GABRB3: variants seen among roughly 807,000 people sequenced by gnomAD.
GABRB3 encodes the protein gamma-aminobutyric acid receptor subunit beta-3.
GABRB3 carries 14 observed loss-of-function variants against 52.1 expected under a neutral mutation model. The ratio of observed to expected loss-of-function variants is 0.27; its 90% CI spans 0.18 to 0.42. The LOEUF is 0.42. Among genes scored for constraint, GABRB3 ranks in the 10% least tolerant of loss-of-function variants. The pLI is 1.00. For missense variants in GABRB3, 307 were observed against 609.1 expected (o/e 0.50, Z 5.22); for synonymous variants, 260 against 232.3 (o/e 1.12, Z -1.08).
At chr15:26,748,485 G>T (rs756344859) in intron 3 of GABRB3, among the ~76,000 whole-genome samples, 9 of 152,014 alleles carry the variant, frequency 5.9e-5, no homozygotes, top group Non-Finnish European at 1.0e-4. Flanking sequence ...TTTCTGAAGT[G>T]TTGAATTTAT....
At chr15:26,554,161 G>GAGTATATATATATATA (rs1555400842) in intron 8 of GABRB3, among the ~76,000 whole-genome samples, 1 of 21,266 alleles carries the variant, frequency 4.7e-5, no homozygotes, top group African/African-American at 1.0e-4. Flanking sequence ...TATATATAAA[G>GAGTATATATATATATA]TATATATATA....
chr15:26,557,018 A>C (rs1351406228), intron 8 of GABRB3, among the ~76,000 whole-genome samples: 1 of 152,194 alleles, frequency 6.6e-6, no homozygotes, highest in Non-Finnish European at 1.5e-5. Flanking sequence ...GTAAAGACAG[A>C]GTATCAATCT....
Position 26,545,525 on chromosome 15 carries a change from C to T in GABRB3, c.*2268G>A, listed in dbSNP as rs1889202116. The T allele has an allele frequency of 6.6e-6, 1 of 152,588 alleles. No homozygotes were observed. Among genetic ancestry groups the T allele is most frequent in the Non-Finnish European group, 1.5e-5 (1 of 68,038 alleles). 9.5% of individuals were successfully genotyped at this position (152,588 alleles called of 1,614,324 possible). ...AGTATAAATTATACACTTAAATAGACCATTGACTGTTTTTGTCCACATCCA... is the reference window on the plus strand; with the variant it reads ...AGTATAAATTATACACTTAAATAGATCATTGACTGTTTTTGTCCACATCCA... On this transcript the variant is annotated 3_prime_UTR_variant, in exon 9 of 9. Coordinates refer to ENST00000311550, the MANE Select transcript of GABRB3 (RefSeq NM_000814.6).
chr15:26,669,604 GTC>G (rs141362402), intron 3 of GABRB3, among the ~76,000 whole-genome samples: 18 of 148,582 alleles, frequency 1.2e-4, no homozygotes, highest in Middle Eastern at 3.5e-3. Context: ...GACTCACTCT[GTC>G]TCTCTCTCTC....
At chr15:26,771,510 G>C (rs988160824) in intron 3 of GABRB3, among the ~76,000 whole-genome samples, 24 of 152,302 alleles carry the variant, frequency 1.6e-4, no homozygotes, top group Admixed American at 1.4e-3. Flanking sequence ...GTTTACAAAT[G>C]CTCCTTCCAG....
chr15:26,556,814 T>C (rs1889769867), intron 8 of GABRB3, among the ~76,000 whole-genome samples: 6 of 152,112 alleles, frequency 3.9e-5, no homozygotes. Context: ...GCCTACAGTG[T>C]CCATAAGGGT....
intron 6 of GABRB3, among the ~76,000 whole-genome samples, chr15:26,574,030 G>A (rs562490117): frequency 3.5e-4 from 54 of 152,294 alleles, no homozygotes; most frequent in South Asian, 2.5e-3. Flanking sequence ...CAGCCCGGGC[G>A]ACAGACTAAG....
At chr15:26,573,108 C>A (rs1207236444) in intron 6 of GABRB3, among the ~76,000 whole-genome samples, 1 of 152,134 alleles carries the variant, frequency 6.6e-6, no homozygotes, top group Non-Finnish European at 1.5e-5. Flanking sequence ...GGTATTTCAG[C>A]AAATGCAGCA....
chr15:26,599,388 G>A (rs542410994), intron 4 of GABRB3, among the ~76,000 whole-genome samples: 1 of 152,112 alleles, frequency 6.6e-6, no homozygotes, highest in African/African-American at 2.4e-5. Context: ...CCTAAACAGT[G>A]ACCCCACCTA....
Position 26,605,921 on chromosome 15 carries a change from C to T in GABRB3, c.461+15393G>A, listed in dbSNP as rs1019828625. On this transcript the variant is annotated intron_variant, in intron 4 of 8. Transcript: ENST00000311550. ...GTACAGGAAATATTGCTAGGGAGGT[C>T]TCAGGAAACATACAACACAGCGGAA... Among the ~76,000 whole-genome samples, 9 of 152,214 alleles carry T rather than the reference C, an allele frequency of 5.9e-5. No individual in the cohort carries two copies. In the South Asian group the frequency reaches 1.9e-3, roughly 32 times the overall value.
chr15:26,694,751 T>C (rs926786870), intron 3 of GABRB3, among the ~76,000 whole-genome samples: 4 of 152,060 alleles, frequency 2.6e-5, no homozygotes, highest in Non-Finnish European at 5.9e-5. Flanking sequence ...TTTGTAATTA[T>C]CAGACAAAAA....
At chr15:26,613,761 A>G (rs962138660) in intron 4 of GABRB3, 1 of 152,206 alleles carries the variant, frequency 6.6e-6, no homozygotes, top group Non-Finnish European at 1.5e-5. Context: ...AACTGACAAG[A>G]TAATGTCAGC....
At chr15:26,727,155 T>C (rs1889795012) in intron 3 of GABRB3, among the ~76,000 whole-genome samples, 1 of 152,060 alleles carries the variant, frequency 6.6e-6, no homozygotes, top group Admixed American at 6.5e-5. Flanking sequence ...CAAGACTCGG[T>C]CTCAGGAAAA....
chr15:26,761,988 AC>A (rs113497538), intron 3 of GABRB3, among the ~76,000 whole-genome samples: 8 of 152,134 alleles, frequency 5.3e-5, no homozygotes, highest in African/African-American at 1.9e-4. Context: ...GAGTGCAATC[AC>A]GCCCGGCTAA....
chr15:26,763,747 T>C (rs1890887278), intron 3 of GABRB3, among the ~76,000 whole-genome samples: 2 of 152,142 alleles, frequency 1.3e-5, no homozygotes, highest in Non-Finnish European at 2.9e-5. Context: ...TGATGTGATG[T>C]TGAGCTAACT....
chr15:26,725,024 T>C (rs2140144359), intron 3 of GABRB3, among the ~76,000 whole-genome samples: 1 of 152,304 alleles, frequency 6.6e-6, no homozygotes, highest in East Asian at 1.9e-4. Flanking sequence ...TGGCCATGAC[T>C]TGTCAAAGGC....
At chr15:26,725,485 C>T (rs1889747318) in intron 3 of GABRB3, among the ~76,000 whole-genome samples, 1 of 152,228 alleles carries the variant, frequency 6.6e-6, no homozygotes, top group South Asian at 2.1e-4. Flanking sequence ...GCCAATGTTA[C>T]TTGCTATGAA....
chr15:26,770,658 A>T (rs1004739091), intron 3 of GABRB3, among the ~76,000 whole-genome samples: 3 of 152,216 alleles, frequency 2.0e-5, no homozygotes, highest in Admixed American at 2.0e-4. Flanking sequence ...GGCCAAATCA[A>T]TACATTTTCT....
intron 4 of GABRB3, among the ~76,000 whole-genome samples, chr15:26,617,741 G>T (rs61998694): frequency 6.0e-3 from 846 of 140,384 alleles, no homozygotes; most frequent in South Asian, 0.012. Flanking sequence ...GTTTGCAGAC[G>T]ACATGATTAT....
Sources: gnomAD v4.1 joint callset for allele counts (sites outside exome capture counted in the v4.1 genomes callset) on GRCh38, gnomAD v4.1.1 for gene constraint, MANE v1.5 for transcripts, NCBI Gene and HGNC (gene_info 2026-07-23, HGNC 2026-07-21) for gene names.